The following DNAAF4 variants were observed in gnomAD, a reference collection of about 807,000 sequenced individuals.
DNAAF4 encodes the protein dynein axonemal assembly factor 4.
Under a neutral mutation model 51.8 loss-of-function variants are expected in DNAAF4, and 43 were observed. That is an observed-to-expected ratio of 0.83 (90% CI 0.65 to 1.07). The LOEUF (loss-of-function observed/expected upper bound fraction) is 1.07. Ranked by LOEUF, DNAAF4 falls within the 50% of genes least tolerant of loss-of-function variation. DNAAF4 has a pLI of 0.00. For missense variants in DNAAF4, 581 were observed against 493.0 expected, an observed-to-expected ratio of 1.18 and a Z score of -1.69; for synonymous variants, 194 against 165.6, an observed-to-expected ratio of 1.17 and a Z score of -1.32.
At chr15:55,508,059 A>C (rs2058735655) in intron 1 of DNAAF4, 63 bp downstream of exon 1, 1 of 152,134 alleles carries the variant, frequency 6.6e-6, no homozygotes, top group South Asian at 2.1e-4. Flanking sequence ...ATTTTGATAC[A>C]CACCAAAGTT....
At chr15:55,488,460 T>C (rs1435602209) in intron 4 of DNAAF4, among the ~76,000 whole-genome samples, 1 of 152,218 alleles carries the variant, frequency 6.6e-6, no homozygotes, top group Admixed American at 6.5e-5. Context: ...TTCTTAACAG[T>C]GTCTAGGATT....
chr15:55,491,314 G>A, intron 3 of DNAAF4, 58 bp from the exon 4 acceptor site: 4 of 1,533,272 alleles, frequency 2.6e-6, no homozygotes, highest in Non-Finnish European at 2.7e-6. Flanking sequence ...TTACTTATGA[G>A]AAAACTACTT....
chr15:55,426,868 A>T (rs1368192711), downstream of DNAAF4, among the ~76,000 whole-genome samples: 1 of 152,096 alleles, frequency 6.6e-6, no homozygotes, highest in East Asian at 1.9e-4. Flanking sequence ...ACATCAACCA[A>T]CCCACTTTTT....
At chr15:55,456,403 T>C (rs919409422) in intron 5 of DNAAF4, among the ~76,000 whole-genome samples, 3 of 152,086 alleles carry the variant, frequency 2.0e-5, no homozygotes, top group African/African-American at 7.2e-5. Flanking sequence ...CAAAACAAAG[T>C]TTAATATTCT....
intron 5 of DNAAF4, among the ~76,000 whole-genome samples, chr15:55,450,980 C>G (rs2141462339): frequency 6.6e-6 from 1 of 152,238 alleles, no homozygotes; most frequent in African/African-American, 2.4e-5. Context: ...ACCTATAATC[C>G]CAGCTACTTG....
chr15:55,442,277 C>A (rs1297044987), intron 6 of DNAAF4, among the ~76,000 whole-genome samples: 1 of 152,114 alleles, frequency 6.6e-6, no homozygotes, highest in African/African-American at 2.4e-5. Flanking sequence ...CGCCACCATG[C>A]CCGGCTAATT....
chr15:55,500,169 C>T (rs2058688043), intron 1 of DNAAF4, among the ~76,000 whole-genome samples: 1 of 152,020 alleles, frequency 6.6e-6, no homozygotes, highest in African/African-American at 2.4e-5. Context: ...TTCAATGCTC[C>T]TTAGAAATTC....
At chr15:55,489,535 C>T (rs1203828309) in intron 4 of DNAAF4, among the ~76,000 whole-genome samples, 6 of 151,772 alleles carry the variant, frequency 4.0e-5, no homozygotes, top group African/African-American at 7.3e-5. Flanking sequence ...ATTAGCCAGG[C>T]GTGGTGGTGC....
chr15:55,465,084 T>C (rs1157781050), intron 5 of DNAAF4, among the ~76,000 whole-genome samples: 1 of 152,138 alleles, frequency 6.6e-6, no homozygotes, highest in East Asian at 1.9e-4. Context: ...ATGACCATAA[T>C]TTAAAAATGA....
intron 4 of DNAAF4, among the ~76,000 whole-genome samples, chr15:55,475,094 G>GC (rs2058318420): frequency 6.6e-6 from 1 of 152,190 alleles, no homozygotes; most frequent in Non-Finnish European, 1.5e-5. Context: ...CATGTTCCTG[G>GC]AGGGAAATCT....
rs1397296805 is a variant in DNAAF4, at chr15:55,430,675, A to G, written c.1258T>C (p.Ser420Pro). The G allele has an allele frequency of 1.2e-6, 2 of 1,611,808 alleles. No individual in the cohort carries two copies. Among genetic ancestry groups the G allele is most frequent in the East Asian group, 2.2e-5 (1 of 44,700 alleles). ...RNVIQGTELK[S>P] ...TTAGTTACTTCTAATAGTCATTAAG[A>G]TTTTAGTTCTGTTCCTTGAATTACA... The change falls in exon 10 of 10, where the codon TCT becomes CCT. Residue 420 changes from serine to proline, a missense_variant. Transcript: ENST00000321149.
chr15:55,478,767 A>G (rs901065104), intron 4 of DNAAF4, among the ~76,000 whole-genome samples: 1 of 152,192 alleles, frequency 6.6e-6, no homozygotes, highest in African/African-American at 2.4e-5. Flanking sequence ...CTCCAGTCCT[A>G]TCAAATCAAC....
intron 4 of DNAAF4, among the ~76,000 whole-genome samples, chr15:55,480,504 G>A (rs1314125897): frequency 2.6e-5 from 4 of 152,028 alleles, no homozygotes; most frequent in East Asian, 1.9e-4. Context: ...TCCTACTTAC[G>A]TTTACTAGCC....
chr15:55,433,886 A>ATATATATATTATATATATTATATATAAT (rs2057546989), intron 8 of DNAAF4, among the ~76,000 whole-genome samples: 1 of 52,866 alleles, frequency 1.9e-5, no homozygotes, highest in African/African-American at 1.0e-4. Flanking sequence ...TACATATATT[A>ATATATATATTATATATATTATATATAAT]TATATATATT....
chr15:55,441,606 T>A (rs924374680), intron 6 of DNAAF4, among the ~76,000 whole-genome samples: 2 of 148,954 alleles, frequency 1.3e-5, no homozygotes, highest in African/African-American at 4.9e-5. Flanking sequence ...ATGTTCCCCT[T>A]CCTGTGTCCA....
At position 55,497,994 on chromosome 15, in the gene DNAAF4, G is replaced by T. The variant is rs1468740145; in HGVS notation, c.124-135C>A. 6.0e-6 allele frequency: 8 copies of T among 1,327,100 alleles called. No individual in the cohort carries two copies. The Admixed American group carries it at 2.1e-4, about 35-fold the overall frequency. The allele number at this position is 1,327,100 out of a possible 1,614,324, so 82.2% of individuals were successfully genotyped here. On this transcript the variant is annotated intron_variant, in intron 2 of 9. Transcript: ENST00000321149. ...ATGCCAGGTAGTGAAAGATTAGCAAGGCATATGAGGAAGCCCTGGATAAAA... is the reference window on the plus strand; with the variant it reads ...ATGCCAGGTAGTGAAAGATTAGCAATGCATATGAGGAAGCCCTGGATAAAA...
intron 6 of DNAAF4, 47 bp downstream of exon 6, chr15:55,450,175 A>G: frequency 6.6e-7 from 1 of 1,526,604 alleles, no homozygotes; most frequent in Non-Finnish European, 8.8e-7. Flanking sequence ...AAATAAAAAT[A>G]AAGTATTTTC....
At chr15:55,470,054 C>T (rs28848898) in intron 4 of DNAAF4, among the ~76,000 whole-genome samples, 146,967 of 150,154 alleles carry the variant, frequency 0.98, 71,963 homozygotes, top group Non-Finnish European at 1. Context: ...ATATTTACCC[C>T]TTTTTTTTTT....
At chr15:55,500,791 A>G (rs1374072698) in intron 1 of DNAAF4, among the ~76,000 whole-genome samples, 1 of 151,976 alleles carries the variant, frequency 6.6e-6, no homozygotes, top group Admixed American at 6.6e-5. Flanking sequence ...TTGGGAGTTC[A>G]AGACCAGCCT....
Sources: allele counts gnomAD v4.1 joint callset (sites outside exome capture counted in the v4.1 genomes callset), GRCh38; gene constraint gnomAD v4.1.1; transcripts MANE v1.5; gene names NCBI Gene and HGNC (gene_info 2026-07-23, HGNC 2026-07-21).